Variants in PPP1CB observed in about 807,000 individuals in gnomAD.
PPP1CB encodes the protein serine/threonine-protein phosphatase PP1-beta catalytic subunit.
In PPP1CB, 2 loss-of-function variants were observed where a neutral mutation model predicts 43.7. The observed-to-expected ratio is 0.05, with a 90% CI of 0.02 to 0.14. PPP1CB has a LOEUF of 0.14. Ranked by LOEUF, PPP1CB falls within the 10% of genes least tolerant of loss-of-function variation. The pLI is 1.00. For synonymous variants in PPP1CB, 136 were observed against 135.6 expected (o/e 1.00, Z -0.02); for missense variants, 84 against 398.0 (o/e 0.21, Z 6.71).
chr2:28,760,001 C>A (rs1007342262), intron 1 of PPP1CB, among the ~76,000 whole-genome samples: 1 of 152,078 alleles, frequency 6.6e-6, no homozygotes, highest in Non-Finnish European at 1.5e-5. Context: ...AAAAAAGCTT[C>A]GTTATCCTGG....
At chr2:28,795,213 A>G (rs1000877926) in intron 7 of PPP1CB, among the ~76,000 whole-genome samples, 3 of 152,170 alleles carry the variant, frequency 2.0e-5, no homozygotes, top group African/African-American at 4.8e-5. Context: ...TCCATGGTGT[A>G]TATGTACCAC....
intron 1 of PPP1CB, among the ~76,000 whole-genome samples, chr2:28,762,733 A>G (rs1297884452): frequency 7.2e-5 from 11 of 152,230 alleles, no homozygotes; most frequent in Non-Finnish European, 1.6e-4. Flanking sequence ...TGACTTTATA[A>G]TACGCGTTGT....
intron 1 of PPP1CB, among the ~76,000 whole-genome samples, chr2:28,768,407 AG>A (rs1196971009): frequency 1.3e-5 from 2 of 152,216 alleles, no homozygotes; most frequent in African/African-American, 4.8e-5. Flanking sequence ...GTCCCTCTAA[AG>A]TCATTGACTG....
intron 1 of PPP1CB, among the ~76,000 whole-genome samples, chr2:28,753,165 T>G (rs1324168682): frequency 6.6e-6 from 1 of 152,126 alleles, no homozygotes; most frequent in Non-Finnish European, 1.5e-5. Flanking sequence ...AATAATTGTT[T>G]TGTGAGTGTG....
At chr2:28,785,890 T>C (rs554360194) in intron 5 of PPP1CB, among the ~76,000 whole-genome samples, 10 of 152,160 alleles carry the variant, frequency 6.6e-5, no homozygotes, top group Non-Finnish European at 1.5e-4. Context: ...AATATCTGTT[T>C]ATAGTTCAGA....
At chr2:28,788,930 T>A (rs563412339) in intron 6 of PPP1CB, 121 bp downstream of exon 6, 1 of 1,015,100 alleles carries the variant, frequency 9.9e-7, no homozygotes, top group Admixed American at 3.1e-5. Flanking sequence ...CAATCTCTGC[T>A]CACTGCAACC....
chr2:28,793,810 GT>G (rs993064254), intron 6 of PPP1CB, 52 bp from the exon 7 acceptor site: 4 of 1,603,188 alleles, frequency 2.5e-6, no homozygotes, highest in Non-Finnish European at 3.4e-6. Context: ...AGTATAGATG[GT>G]TCAGAATTAC....
At chr2:28,756,643 C>T (rs1558295398) in intron 1 of PPP1CB, among the ~76,000 whole-genome samples, 1 of 152,120 alleles carries the variant, frequency 6.6e-6, no homozygotes, top group Non-Finnish European at 1.5e-5. Context: ...GACACCTTGG[C>T]TGGCTAATTT....
chr2:28,783,521 G>T (rs1439221484), intron 4 of PPP1CB, among the ~76,000 whole-genome samples: 2 of 152,134 alleles, frequency 1.3e-5, no homozygotes, highest in Admixed American at 6.6e-5. Context: ...ACTTTGGGAG[G>T]CCAAGGTGGT....
At chr2:28,785,123 G>T (rs1195468966) in intron 5 of PPP1CB, among the ~76,000 whole-genome samples, 2 of 120,590 alleles carry the variant, frequency 1.7e-5, no homozygotes, top group East Asian at 2.3e-4. Context: ...TCACCAGGCT[G>T]GGGGGCAGTG....
At chr2:28,761,045 C>T (rs182729309) in intron 1 of PPP1CB, among the ~76,000 whole-genome samples, 89 of 152,226 alleles carry the variant, frequency 5.8e-4, no homozygotes, top group Non-Finnish European at 9.0e-4. Context: ...GGATTACAGG[C>T]GCCTGCCACC....
Position 28,800,229 on chromosome 2 carries a change from T to TC in PPP1CB, c.*926_*927insC, listed in dbSNP as rs545635152. On this transcript the variant is annotated 3_prime_UTR_variant, in exon 8 of 8. Transcript: ENST00000395366. The stretch of plus-strand genomic sequence containing the variant: ...GTTTTCTTTTTCTTTTTTCTTTCTT[T>TC]TTTTTTTTTTTTTTTTTTTTGAGTT... The TC allele has an allele frequency of 1.4e-4, 19 of 138,996 alleles. No individual in the cohort carries two copies. Among genetic ancestry groups the TC allele is most frequent in the African/African-American group, 2.2e-4 (8 of 36,072 alleles). 8.6% of individuals were successfully genotyped at this position (138,996 alleles called of 1,614,324 possible). A position where few individuals can be genotyped will look rare whatever the true frequency, so the allele number is the denominator to read the frequency against.
Position 28,783,920 on chromosome 2 carries a change from C to T in PPP1CB, c.534C>T (p.Asp178=). The change falls in exon 5 of 8, where the codon GAC becomes GAT. Residue 178 remains aspartate (D), a synonymous_variant. Coordinates refer to ENST00000395366, the MANE Select transcript of PPP1CB (RefSeq NM_002709.3). ...IFCCHGGLSP[D]LQSMEQIRRI... ...TTTTATTTATAGGATTGTCACCAGA[C>T]CTGCAATCTATGGAGCAGATTCGGA... The T allele has an allele frequency of 6.2e-7, 1 of 1,612,216 alleles. No homozygotes were observed. The highest frequency in any genetic ancestry group is 8.5e-7 in the Non-Finnish European group (1 of 1,178,438).
intron 7 of PPP1CB, among the ~76,000 whole-genome samples, chr2:28,794,635 G>C (rs911186634): frequency 2.0e-5 from 3 of 152,054 alleles, no homozygotes; most frequent in African/African-American, 7.2e-5. Context: ...AGGTTGCAGT[G>C]AGCCGAGATT....
rs1428910257 is a variant in PPP1CB, at chr2:28,792,348, A to G, written c.745-1515A>G. 7.9e-5 allele frequency among the ~76,000 whole-genome samples: 12 copies of G among 151,984 alleles called. 1 individual carries two copies. Among genetic ancestry groups the G allele is most frequent in the Admixed American group, 7.9e-4 (12 of 15,270 alleles). The stretch of plus-strand genomic sequence containing the variant: ...AGAGCAAAACTCCATCTCGAAAAAA[A>G]AAAAGAAAAGAAATACAAAAAAATT... On this transcript the variant is annotated intron_variant, in intron 6 of 7. Coordinates refer to ENST00000395366, the MANE Select transcript of PPP1CB (RefSeq NM_002709.3).
At chr2:28,763,993 G>A (rs1376340765) in intron 1 of PPP1CB, among the ~76,000 whole-genome samples, 2 of 152,014 alleles carry the variant, frequency 1.3e-5, no homozygotes, top group Non-Finnish European at 2.9e-5. Context: ...GAGCCACCAT[G>A]CCCGGCCCAC....
chr2:28,801,578 T>TA lies in PPP1CB; in HGVS notation c.*2280dup, dbSNP rs1475646636. On this transcript the variant is annotated 3_prime_UTR_variant, in exon 8 of 8. Transcript: ENST00000395366. The stretch of plus-strand genomic sequence containing the variant: ...AAACCACTTAAACAGCCTCCAGTCA[T>TA]AAAAATGTGTTCTTTACAAATATTT... The TA allele has an allele frequency of 6.6e-6, 1 of 152,158 alleles. No individual in the cohort carries two copies. The highest frequency in any genetic ancestry group is 2.4e-5 in the African/African-American group (1 of 41,454). 9.4% of individuals were successfully genotyped at this position (152,158 alleles called of 1,614,324 possible).
At chr2:28,788,052 A>G (rs1256131983) in intron 5 of PPP1CB, among the ~76,000 whole-genome samples, 1 of 152,210 alleles carries the variant, frequency 6.6e-6, no homozygotes, top group Non-Finnish European at 1.5e-5. Flanking sequence ...TCTGTAGATC[A>G]AATACAATTC....
chr2:28,796,338 G>A (rs1310076339), intron 7 of PPP1CB, among the ~76,000 whole-genome samples: 2 of 152,090 alleles, frequency 1.3e-5, no homozygotes, highest in Non-Finnish European at 2.9e-5. Context: ...AATGACATTG[G>A]TAGTTTGATA....
Sources: gnomAD v4.1 joint callset for allele counts (sites outside exome capture counted in the v4.1 genomes callset) on GRCh38, gnomAD v4.1.1 for gene constraint, MANE v1.5 for transcripts, NCBI Gene and HGNC (gene_info 2026-07-23, HGNC 2026-07-21) for gene names.